The following SZRD1 variants were observed in gnomAD, a reference collection of about 807,000 sequenced individuals.
SZRD1 encodes the protein SUZ RNA binding domain containing 1.
Under a neutral mutation model 17.6 loss-of-function variants are expected in SZRD1, and 7 were observed. The ratio of observed to expected loss-of-function variants is 0.40; its 90% CI spans 0.23 to 0.75. The LOEUF is 0.75. Ranked by LOEUF, SZRD1 falls within the 30% of genes least tolerant of loss-of-function variation. The pLI is 0.38. For synonymous variants in SZRD1, 77 were observed against 77.9 expected (o/e 0.99, Z 0.06); for missense variants, 178 against 201.8 (o/e 0.88, Z 0.71).
At chr1:16,390,293 G>T (rs549032239) in intron 1 of SZRD1, among the ~76,000 whole-genome samples, 1 of 152,166 alleles carries the variant, frequency 6.6e-6, no homozygotes, top group Non-Finnish European at 1.5e-5. Context: ...GCTCACACGC[G>T]TGTGTGGAGG....
intron 1 of SZRD1, among the ~76,000 whole-genome samples, chr1:16,375,662 C>T (rs2082989902): frequency 6.6e-6 from 1 of 152,162 alleles, no homozygotes; most frequent in Non-Finnish European, 1.5e-5. Flanking sequence ...AAATGCCCAT[C>T]ACAGTAAGCC....
chr1:16,378,294 T>C (rs1469523773), intron 1 of SZRD1, among the ~76,000 whole-genome samples: 1 of 150,724 alleles, frequency 6.6e-6, no homozygotes, highest in East Asian at 1.9e-4. Context: ...TCTTTTTTTT[T>C]TTTTTTTTTG....
chr1:16,369,658 G>A (rs529546640), intron 1 of SZRD1: 1 of 525,016 alleles, frequency 1.9e-6, no homozygotes, highest in East Asian at 3.2e-5. Context: ...GGAGGCTGAG[G>A]TGGGTGGATA....
chr1:16,377,429 A>T (rs2083023619), intron 1 of SZRD1, among the ~76,000 whole-genome samples: 1 of 152,058 alleles, frequency 6.6e-6, no homozygotes. Flanking sequence ...CTAAAAATAC[A>T]AAAAAATGAG....
rs147650342 is a variant in SZRD1 at position 16,373,788 on chromosome 1, A to C, written c.51+6480A>C. ...CTGACTATTTTTGATTTTTTTGTAGAGACAGGGTCTCACCATGTTGCCCAT... is the reference window on the plus strand; with the variant it reads ...CTGACTATTTTTGATTTTTTTGTAGCGACAGGGTCTCACCATGTTGCCCAT... On this transcript the variant is annotated intron_variant, in intron 1 of 3. Coordinates refer to ENST00000401088, the MANE Select transcript of SZRD1 (RefSeq NM_001114600.3). Among the ~76,000 whole-genome samples the C allele has an allele frequency of 1.3e-3, 199 of 151,946 alleles. 2 individuals are homozygous for C. The East Asian group carries it at 0.019, about 14-fold the overall frequency.
chr1:16,379,748 T>C (rs2083063610), intron 1 of SZRD1, among the ~76,000 whole-genome samples: 1 of 147,828 alleles, frequency 6.8e-6, no homozygotes, highest in Non-Finnish European at 1.5e-5. Context: ...TATAAAATCC[T>C]GTTGATTTGG....
intron 1 of SZRD1, chr1:16,387,881 C>T (rs950623815): frequency 8.4e-6 from 3 of 358,098 alleles, no homozygotes; most frequent in African/African-American, 4.3e-5. Flanking sequence ...TCCATCAATA[C>T]AGTCATTTTC....
chr1:16,391,461 TG>T lies in SZRD1; in HGVS notation c.101+38del. 1 of 1,521,994 alleles carries T rather than the reference TG, an allele frequency of 6.6e-7. No homozygotes were observed. Among genetic ancestry groups the T allele is most frequent in the Non-Finnish European group, 8.9e-7 (1 of 1,123,096 alleles). 94.3% of individuals were successfully genotyped at this position (1,521,994 alleles called of 1,614,324 possible). A position where few individuals can be genotyped will look rare whatever the true frequency, so the allele number is the denominator to read the frequency against. ...GTCTGGTCTGAGGGCTCATGCTCTC[TG>T]TGGTTTGAGAGCCGGGCAGTCAGTG... On this transcript the variant is annotated intron_variant, in intron 2 of 3. Coordinates refer to ENST00000401088, the MANE Select transcript of SZRD1 (RefSeq NM_001114600.3). This position sits in a 1 kb window ranked among gnomAD's most constrained non-coding sequence, Gnocchi z 4.3.
intron 1 of SZRD1, among the ~76,000 whole-genome samples, chr1:16,379,822 G>A (rs1016227108): frequency 3.4e-5 from 5 of 147,116 alleles, no homozygotes; most frequent in Admixed American, 6.8e-5. Context: ...GTGCAGTGGC[G>A]CAGTCTTGGC....
At chr1:16,371,613 C>G (rs1459145767) in intron 1 of SZRD1, among the ~76,000 whole-genome samples, 4 of 151,984 alleles carry the variant, frequency 2.6e-5, no homozygotes, top group Admixed American at 1.3e-4. Flanking sequence ...AGGCACCCAC[C>G]ACCACGCCTG....
At chr1:16,389,455 A>G (rs1313154723) in intron 1 of SZRD1, among the ~76,000 whole-genome samples, 1 of 135,746 alleles carries the variant, frequency 7.4e-6, no homozygotes, top group African/African-American at 2.7e-5. Context: ...GGCGCCCGCC[A>G]CAACGCCTGG....
chr1:16,376,201 T>G (rs2083000649), intron 1 of SZRD1, among the ~76,000 whole-genome samples: 1 of 152,228 alleles, frequency 6.6e-6, no homozygotes, highest in Non-Finnish European at 1.5e-5. Flanking sequence ...AGGGACCTTT[T>G]TTGGAGCAAT....
chr1:16,393,239 A>G lies in SZRD1; in HGVS notation c.113A>G (p.Lys38Arg), dbSNP rs1308212689. The change falls in exon 3 of 4, where the codon AAA (lysine) becomes AGA (arginine). Residue 38 changes from lysine (K) to arginine (R), a missense_variant. Coordinates refer to ENST00000401088, the MANE Select transcript of SZRD1 (RefSeq NM_001114600.3). The surrounding 1 kb of genome is among the most constrained non-coding windows in gnomAD (Gnocchi z 5.6). Reference sequence around the variant, plus strand: ...TTGCTCTTTGTCAGCAGGAAATCCAAATCTCCTCCCAAAGTGCCCATTGTG... The same window carrying G: ...TTGCTCTTTGTCAGCAGGAAATCCAGATCTCCTCCCAAAGTGCCCATTGTG... The part of the protein sequence containing the change: ...KITQKESRKS[K>R]SPPKVPIVIQ... 3 of 1,613,930 alleles carry G rather than the reference A, an allele frequency of 1.9e-6. No individual in the cohort carries two copies. The highest frequency in any genetic ancestry group is 2.5e-6 in the Non-Finnish European group (3 of 1,179,854).
chr1:16,367,257 G>A lies in SZRD1; in HGVS notation c.-1G>A. On this transcript the variant is annotated 5_prime_UTR_variant, in exon 1 of 4. Transcript: ENST00000401088. ...GGGGAGGAGGGAAAGCGGCGAGTAA[G>A]ATGGAAGATGAGGAGGTCGCTGAGA... 1 of 1,548,608 alleles carries A rather than the reference G, an allele frequency of 6.5e-7. No individual in the cohort carries two copies. Among genetic ancestry groups the A allele is most frequent in the South Asian group, 1.2e-5 (1 of 83,968 alleles).
chr1:16,368,013 A>T (rs1048110031), intron 1 of SZRD1: 2 of 152,210 alleles, frequency 1.3e-5, no homozygotes, highest in African/African-American at 4.8e-5. Context: ...GTCGGAGTCC[A>T]GGGTGTGATA....
In SZRD1 at chr1:16,393,596, C is replaced by T. The variant is rs1456077078; in HGVS notation, c.356+114C>T. 2 of 1,140,466 alleles carry T rather than the reference C, an allele frequency of 1.8e-6. No individual in the cohort carries two copies. Among genetic ancestry groups the T allele is most frequent in the Non-Finnish European group, 2.5e-6 (2 of 815,462 alleles). The allele number at this position is 1,140,466 out of a possible 1,614,324, so 70.6% of individuals were successfully genotyped here. A position where few individuals can be genotyped will look rare whatever the true frequency, so the allele number is the denominator to read the frequency against. ...GAAGCAAGCAGAGTCAGGGTAGGAA[C>T]CATGCAGCTCCACTTGCTGATCCCA... On this transcript the variant is annotated intron_variant, in intron 3 of 3. Transcript: ENST00000401088. This position sits in a 1 kb window ranked among gnomAD's most constrained non-coding sequence, Gnocchi z 5.6.
chr1:16,377,965 G>A (rs2100710067), intron 1 of SZRD1, among the ~76,000 whole-genome samples: 1 of 152,218 alleles, frequency 6.6e-6, no homozygotes, highest in African/African-American at 2.4e-5. Context: ...ACTCTCCTCC[G>A]AGAATTGTAT....
chr1:16,372,732 C>G (rs2100695844), intron 1 of SZRD1, among the ~76,000 whole-genome samples: 1 of 152,258 alleles, frequency 6.6e-6, no homozygotes, highest in Admixed American at 6.5e-5. Context: ...ACTTTCTACC[C>G]CCATGAGCCA....
intron 1 of SZRD1, among the ~76,000 whole-genome samples, chr1:16,373,340 G>A (rs1281971960): frequency 2.6e-5 from 4 of 151,940 alleles, no homozygotes; most frequent in Admixed American, 6.6e-5. Flanking sequence ...AGCACTTTGG[G>A]AGGCTGAGGC....
Sources: gnomAD v4.1 joint callset for allele counts (sites outside exome capture counted in the v4.1 genomes callset) on GRCh38, gnomAD v4.1.1 for gene constraint, Gnocchi (gnomAD v3.1) non-coding constraint, MANE v1.5 for transcripts, NCBI Gene and HGNC (gene_info 2026-07-23, HGNC 2026-07-21) for gene names.